Variants in ANXA8 observed in about 807,000 individuals in gnomAD.
ANXA8 encodes VAC-beta.
ANXA8 carries 9 observed loss-of-function variants against 26.8 expected under a neutral mutation model. The observed-to-expected ratio is 0.34, with a 90% confidence interval of 0.20 to 0.59. The LOEUF (loss-of-function observed/expected upper bound fraction) is 0.59, where lower values mean the gene tolerates loss of function less well. ANXA8 is among the 20% of genes least tolerant of loss of function. ANXA8 has a pLI of 0.84. For missense variants in ANXA8, 83 were observed against 238.5 expected, an observed-to-expected ratio of 0.35 and a Z score of 4.29; for synonymous variants, 39 against 94.8, an observed-to-expected ratio of 0.41 and a Z score of 3.42.
At chr10:47,748,020 A>G in the ANXA8 span, among the ~76,000 whole-genome samples, 3 of 152,206 alleles carry the variant, frequency 2.0e-5, no homozygotes, top group African/African-American at 7.2e-5. Flanking sequence ...AGCAAAGAAC[A>G]TAAGATACTT....
At chr10:47,900,983 A>T in the ANXA8 span, among the ~76,000 whole-genome samples, 1 of 138,014 alleles carries the variant, frequency 7.2e-6, no homozygotes, top group East Asian at 2.1e-4. Flanking sequence ...ATCAAATTAT[A>T]TTGGAGGAAA....
At chr10:47,626,981 T>TAC in the ANXA8 span, among the ~76,000 whole-genome samples, 1 of 149,558 alleles carries the variant, frequency 6.7e-6, no homozygotes, top group African/African-American at 2.6e-5. Flanking sequence ...GTGTACGTGA[T>TAC]TAAGAAGAAC....
At chr10:47,949,450 C>T in the ANXA8 span, among the ~76,000 whole-genome samples, 1 of 149,392 alleles carries the variant, frequency 6.7e-6, no homozygotes, top group South Asian at 2.1e-4. Context: ...TGAAGTGATA[C>T]TAAGTGGACA....
At chr10:47,969,849 G>A in the ANXA8 span, among the ~76,000 whole-genome samples, 1 of 151,266 alleles carries the variant, frequency 6.6e-6, no homozygotes, top group Non-Finnish European at 1.5e-5. Context: ...CCAAAGTGCT[G>A]GGATTACAGG....
chr10:47,657,576 A>G, the ANXA8 span, among the ~76,000 whole-genome samples: 1 of 151,466 alleles, frequency 6.6e-6, no homozygotes, highest in Admixed American at 6.6e-5. Context: ...CAGGGTGGCT[A>G]TGAAAATTAA....
the ANXA8 span, among the ~76,000 whole-genome samples, chr10:47,715,473 C>G: frequency 1.4e-5 from 2 of 139,406 alleles, no homozygotes; most frequent in African/African-American, 2.7e-5. Flanking sequence ...ATAATAATCT[C>G]TAGCATGCTT....
At chr10:47,976,544 TACACACACACAC>T in the ANXA8 span, among the ~76,000 whole-genome samples, 2,619 of 132,306 alleles carry the variant, frequency 0.02, 50 homozygotes, top group African/African-American at 0.068. Flanking sequence ...CCTCTGTCTT[TACACACACACAC>T]ACACACACAC....
chr10:47,578,082 G>A, the ANXA8 span, among the ~76,000 whole-genome samples: 2 of 64,822 alleles, frequency 3.1e-5, no homozygotes, highest in Non-Finnish European at 3.8e-5. Context: ...TTGGGAGGCC[G>A]AGGCAGGTGG....
At chr10:47,707,185 CAA>C in the ANXA8 span, among the ~76,000 whole-genome samples, 6 of 135,454 alleles carry the variant, frequency 4.4e-5, no homozygotes, top group Non-Finnish European at 9.6e-5. Flanking sequence ...CAAAAAAAAA[CAA>C]AAAAAAGAGT....
At chr10:47,704,582 T>C in the ANXA8 span, among the ~76,000 whole-genome samples, 8 of 151,028 alleles carry the variant, frequency 5.3e-5, no homozygotes, top group Non-Finnish European at 1.2e-4. Flanking sequence ...TATGTAAAGA[T>C]TGGAAAGGTA....
the ANXA8 span, among the ~76,000 whole-genome samples, chr10:47,681,359 CTT>C: frequency 1.5e-5 from 2 of 134,348 alleles, no homozygotes; most frequent in South Asian, 2.3e-4. Flanking sequence ...TAGCAAAGTT[CTT>C]TTTTTTTTTT....
chr10:47,498,589 G>C, the ANXA8 span, among the ~76,000 whole-genome samples: 2 of 143,512 alleles, frequency 1.4e-5, no homozygotes, highest in African/African-American at 2.5e-5. Context: ...TGCTGAGCAG[G>C]TCTATATAAA....
chr10:47,556,469 G>A, the ANXA8 span, among the ~76,000 whole-genome samples: 1 of 151,920 alleles, frequency 6.6e-6, no homozygotes, highest in Non-Finnish European at 1.5e-5. Flanking sequence ...TGGTGTGAAA[G>A]TGCAACTAAG....
chr10:47,526,116 T>A, the ANXA8 span, among the ~76,000 whole-genome samples: 947 of 133,874 alleles, frequency 7.1e-3, 146 homozygotes, highest in Admixed American at 0.015. Context: ...TTTTATTTTT[T>A]TTTTTTTTGA....
chr10:47,528,160 A>G, the ANXA8 span, among the ~76,000 whole-genome samples: 1 of 138,440 alleles, frequency 7.2e-6, no homozygotes, highest in Admixed American at 7.4e-5. Flanking sequence ...GCTCACTGCA[A>G]CCTCTGCCTC....
chr10:47,633,757 C>A, the ANXA8 span, among the ~76,000 whole-genome samples: 1 of 148,928 alleles, frequency 6.7e-6, no homozygotes, highest in Non-Finnish European at 1.5e-5. Context: ...CCCTAAACTT[C>A]CAGGACTGTA....
the ANXA8 span, among the ~76,000 whole-genome samples, chr10:47,613,742 T>C: frequency 0.016 from 1,029 of 62,982 alleles, 15 homozygotes; most frequent in South Asian, 0.028. Flanking sequence ...GGGATAAAAC[T>C]GCTCCACTAC....
upstream of ANXA8, chr10:47,487,246 C>A: frequency 1.6e-6 from 2 of 1,246,258 alleles, no homozygotes; most frequent in Non-Finnish European, 2.2e-6. Flanking sequence ...TTTATTGAGA[C>A]TGGGGAAGGG....
At chr10:47,972,110 CA>C in the ANXA8 span, among the ~76,000 whole-genome samples, 6 of 103,146 alleles carry the variant, frequency 5.8e-5, no homozygotes, top group Admixed American at 6.0e-4. Context: ...AGAGAAAAAC[CA>C]GGGGATGGAG....
Sources: gnomAD v4.1 joint callset for allele counts (sites outside exome capture counted in the v4.1 genomes callset) on GRCh38, gnomAD v4.1.1 for gene constraint, MANE v1.5 for transcripts, NCBI Gene and HGNC (gene_info 2026-07-23, HGNC 2026-07-21) for gene names.